The following TBCK variants were observed in gnomAD, a reference collection of about 807,000 sequenced individuals.
TBCK encodes TBC domain-containing protein kinase-like protein.
In TBCK, 99 loss-of-function variants were observed where a neutral mutation model predicts 113.4. The observed-to-expected ratio is 0.87, with a 90% CI of 0.74 to 1.03. TBCK has a LOEUF of 1.03. Ranked by LOEUF, TBCK falls within the 50% of genes least tolerant of loss-of-function variation. The probability of loss-of-function intolerance (pLI) is 0.00; values close to 1 mark genes in which losing one functional copy is unlikely to be tolerated. For missense variants in TBCK, 1,045 were observed against 1,061.3 expected (o/e 0.98, Z 0.21); for synonymous variants, 369 against 370.8 (o/e 1.00, Z 0.05).
In TBCK at chr4:106,172,373, C is replaced by T. The variant is rs1483054715; in HGVS notation, c.2060-1103G>A. ...ATGAGACTGTATCTCTTTAGGAGGC[C>T]AACAGTCCTGATGAGAAGTTAGCCA... On this transcript the variant is annotated intron_variant, in intron 22 of 25. Coordinates refer to ENST00000394708, the MANE Select transcript of TBCK (RefSeq NM_001163435.3). Among the ~76,000 whole-genome samples the T allele has an allele frequency of 2.6e-5, 4 of 151,936 alleles. No individual in the cohort carries two copies. In the South Asian group the frequency reaches 8.3e-4, roughly 32 times the overall value.
At chr4:106,295,837 A>G (rs1442758367) in intron 2 of TBCK, among the ~76,000 whole-genome samples, 1 of 152,156 alleles carries the variant, frequency 6.6e-6, no homozygotes, top group East Asian at 1.9e-4. Context: ...TGGATTCATG[A>G]CATACCTTTT....
chr4:106,200,830 C>T (rs1754797791), intron 20 of TBCK, among the ~76,000 whole-genome samples: 1 of 151,774 alleles, frequency 6.6e-6, no homozygotes, highest in Admixed American at 6.6e-5. Flanking sequence ...ATGAAAAACA[C>T]AATGAAAATC....
At chr4:106,160,574 CA>C (rs763047894) in intron 23 of TBCK, among the ~76,000 whole-genome samples, 6 of 149,478 alleles carry the variant, frequency 4.0e-5, no homozygotes, top group East Asian at 3.9e-4. Context: ...ATTTATTATT[CA>C]AAAAAAAGAA....
intron 23 of TBCK, among the ~76,000 whole-genome samples, chr4:106,169,890 C>T (rs909347943): frequency 9.9e-5 from 15 of 152,044 alleles, no homozygotes; most frequent in East Asian, 7.7e-4. Flanking sequence ...CCCTCACATG[C>T]GCAGTTCACA....
intron 3 of TBCK, among the ~76,000 whole-genome samples, chr4:106,269,486 C>T (rs1763283226): frequency 2.0e-5 from 3 of 151,968 alleles, no homozygotes; most frequent in Non-Finnish European, 1.5e-5. Flanking sequence ...AAAAATACAA[C>T]AGTTTCTGGA....
At chr4:106,271,262 T>C (rs1477554735) in intron 3 of TBCK, among the ~76,000 whole-genome samples, 1 of 152,164 alleles carries the variant, frequency 6.6e-6, no homozygotes, top group Non-Finnish European at 1.5e-5. Flanking sequence ...CTTATCCATA[T>C]AATCCCATAA....
At chr4:106,279,544 G>T (rs1764370823) in intron 3 of TBCK, among the ~76,000 whole-genome samples, 1 of 151,986 alleles carries the variant, frequency 6.6e-6, no homozygotes, top group Non-Finnish European at 1.5e-5. Flanking sequence ...TTAAATACCA[G>T]ATCTTATTCA....
intron 23 of TBCK, among the ~76,000 whole-genome samples, chr4:106,146,463 A>G (rs1317622108): frequency 6.6e-6 from 1 of 152,178 alleles, no homozygotes; most frequent in Non-Finnish European, 1.5e-5. Flanking sequence ...GGAAAGAGAG[A>G]GAAGAACAAA....
At chr4:106,095,701 AACT>A in intron 24 of TBCK, 60 bp from the exon 25 acceptor site, 1 of 1,484,428 alleles carries the variant, frequency 6.7e-7, no homozygotes, top group South Asian at 1.3e-5. Context: ...GTCTGAGGGA[AACT>A]CACAGAGCTA....
intron 1 of TBCK, 65 bp from the exon 2 acceptor site, chr4:106,309,054 G>C: frequency 9.2e-7 from 1 of 1,081,726 alleles, no homozygotes; most frequent in Non-Finnish European, 1.3e-6. Context: ...TCTTAAGCAT[G>C]ATTAACATAC....
Position 106,263,073 on chromosome 4 carries a change from A to G in TBCK, c.267-861T>C, listed in dbSNP as rs564428416. ...AGCATAAGACAAATGTAATACTCACATACAATTAACCTAGCTTTATTAATT... is the reference window on the plus strand; with the variant it reads ...AGCATAAGACAAATGTAATACTCACGTACAATTAACCTAGCTTTATTAATT... On this transcript the variant is annotated intron_variant, in intron 3 of 25. Coordinates refer to ENST00000394708, the MANE Select transcript of TBCK (RefSeq NM_001163435.3). 2.6e-5 allele frequency among the ~76,000 whole-genome samples: 4 copies of G among 152,116 alleles called. No individual in the cohort carries two copies. The East Asian group carries it at 7.7e-4, about 29-fold the overall frequency.
At chr4:106,284,038 GT>G (rs1042088029) in intron 3 of TBCK, among the ~76,000 whole-genome samples, 29 of 152,134 alleles carry the variant, frequency 1.9e-4, no homozygotes, top group African/African-American at 7.0e-4. Context: ...GAAAGCAAAA[GT>G]TTGTTGCAAG....
intron 19 of TBCK, among the ~76,000 whole-genome samples, chr4:106,217,216 T>G (rs1188839838): frequency 1.1e-4 from 16 of 152,190 alleles, no homozygotes; most frequent in African/African-American, 3.9e-4. Context: ...TGGGACATAC[T>G]TCAAAATAAT....
At chr4:106,105,698 A>G (rs1331716350) in intron 24 of TBCK, among the ~76,000 whole-genome samples, 8 of 152,228 alleles carry the variant, frequency 5.3e-5, no homozygotes, top group Admixed American at 3.3e-4. Context: ...TCAGCTTCCA[A>G]TAAAGACTCT....
Position 106,123,336 on chromosome 4 carries a change from A to G in TBCK, c.2236-6958T>C, listed in dbSNP as rs551181428. ...ACAAGGCATGTGAAGGACCTCTTCA[A>G]GGAGAACTACAAATCACTGCTCAAG... On this transcript the variant is annotated intron_variant, in intron 23 of 25. Coordinates refer to ENST00000394708, the MANE Select transcript of TBCK (RefSeq NM_001163435.3). Among the ~76,000 whole-genome samples, 3 of 152,342 alleles carry G rather than the reference A, an allele frequency of 2.0e-5. No homozygotes were observed. In the South Asian group the frequency reaches 6.2e-4, roughly 32 times the overall value.
At chr4:106,078,834 G>GA (rs1182937904) in intron 25 of TBCK, among the ~76,000 whole-genome samples, 5 of 151,292 alleles carry the variant, frequency 3.3e-5, no homozygotes, top group Admixed American at 6.6e-5. Context: ...GAGATACAAT[G>GA]AAAAAAGGAA....
At position 106,137,443 on chromosome 4, in the gene TBCK, A is replaced by G. The variant is rs184022380; in HGVS notation, c.2236-21065T>C. Among the ~76,000 whole-genome samples the G allele has an allele frequency of 7.1e-3, 998 of 140,384 alleles. 86 individuals carry two copies. The highest frequency in any genetic ancestry group is 0.024 in the African/African-American group (946 of 39,882). The allele number at this position is 140,384 out of a possible 152,430, so 92.1% of individuals were successfully genotyped here. A position where few individuals can be genotyped will look rare whatever the true frequency, so the allele number is the denominator to read the frequency against. Reference sequence around the variant, plus strand: ...ATTTCAAGCTCATGCAAGAGGGGGTACAGGCTTTGTAAATGGCACAGACTA... The same window carrying G: ...ATTTCAAGCTCATGCAAGAGGGGGTGCAGGCTTTGTAAATGGCACAGACTA... On this transcript the variant is annotated intron_variant, in intron 23 of 25. Coordinates refer to ENST00000394708, the MANE Select transcript of TBCK (RefSeq NM_001163435.3).
intron 23 of TBCK, among the ~76,000 whole-genome samples, chr4:106,169,042 A>C (rs1750708464): frequency 6.6e-6 from 1 of 152,024 alleles, no homozygotes; most frequent in African/African-American, 2.4e-5. Flanking sequence ...TATAATGCAA[A>C]TATTCCAAAA....
intron 1 of TBCK, chr4:106,315,722 G>A (rs1439961239): frequency 6.6e-6 from 1 of 152,238 alleles, no homozygotes; most frequent in African/African-American, 2.4e-5. Flanking sequence ...CTAAGCCTAC[G>A]GTTCCCAAAC....
Sources: allele counts gnomAD v4.1 joint callset (sites outside exome capture counted in the v4.1 genomes callset), GRCh38; gene constraint gnomAD v4.1.1; transcripts MANE v1.5; gene names NCBI Gene and HGNC (gene_info 2026-07-23, HGNC 2026-07-21).